The following DLGAP4 variants were observed in gnomAD, a reference collection of about 807,000 sequenced individuals.
The protein encoded by DLGAP4 is DLG associated protein 4, also known as disks large-associated protein 4.
Under a neutral mutation model 86.9 loss-of-function variants are expected in DLGAP4, and 18 were observed. That is an observed-to-expected ratio of 0.21 (90% CI 0.14 to 0.31). The LOEUF (loss-of-function observed/expected upper bound fraction) is 0.31. Among genes scored for constraint, DLGAP4 ranks in the 10% least tolerant of loss-of-function variants. The probability of loss-of-function intolerance (pLI) is 1.00; values close to 1 mark genes in which losing one functional copy is unlikely to be tolerated. For missense variants in DLGAP4, 1,085 were observed against 1,362.6 expected (o/e 0.80, Z 3.21); for synonymous variants, 548 against 574.3 (o/e 0.95, Z 0.65).
intron 7 of DLGAP4, among the ~76,000 whole-genome samples, chr20:36,463,208 G>C (rs997091133): frequency 2.6e-5 from 4 of 152,156 alleles, no homozygotes; most frequent in African/African-American, 9.7e-5. Flanking sequence ...CTGGGGCCTT[G>C]GTTCTGCCAG....
intron 10 of DLGAP4, among the ~76,000 whole-genome samples, chr20:36,516,734 G>C (rs2037061014): frequency 6.6e-6 from 1 of 151,548 alleles, no homozygotes; most frequent in South Asian, 2.1e-4. Context: ...ATGCCTAAAG[G>C]CTTGCTGTGT....
At chr20:36,427,409 C>T (rs1029949163) in intron 2 of DLGAP4, among the ~76,000 whole-genome samples, 3 of 149,616 alleles carry the variant, frequency 2.0e-5, no homozygotes, top group African/African-American at 7.4e-5. Context: ...ACCTGGGAGG[C>T]AGAGGTTGCA....
chr20:36,421,853 G>A (rs2032838113), intron 2 of DLGAP4, among the ~76,000 whole-genome samples: 1 of 152,120 alleles, frequency 6.6e-6, no homozygotes, highest in Non-Finnish European at 1.5e-5. Flanking sequence ...TGAGTCTGGC[G>A]TCTGAGAGAC....
intron 1 of DLGAP4, among the ~76,000 whole-genome samples, chr20:36,319,161 A>AT (rs1383897190): frequency 2.6e-5 from 4 of 151,984 alleles, no homozygotes; most frequent in African/African-American, 4.8e-5. Flanking sequence ...AAAAAAAAAA[A>AT]AGAAAAACTG....
At chr20:36,379,736 G>A (rs1044715262) in intron 2 of DLGAP4, among the ~76,000 whole-genome samples, 1 of 152,176 alleles carries the variant, frequency 6.6e-6, no homozygotes, top group African/African-American at 2.4e-5. Context: ...TTCCAGATCT[G>A]CTTCCTTGCT....
chr20:36,502,647 C>T (rs1278484215), intron 10 of DLGAP4, among the ~76,000 whole-genome samples: 2 of 152,100 alleles, frequency 1.3e-5, no homozygotes, highest in Middle Eastern at 3.2e-3. Context: ...CCACCACACC[C>T]GGACAACAAT....
Position 36,452,517 on chromosome 20 carries a change from CT to C in DLGAP4, c.1648+5597del, listed in dbSNP as rs35771997. Among the ~76,000 whole-genome samples the C allele has an allele frequency of 6.0e-3, 791 of 131,934 alleles. 3 individuals carry two copies. The highest frequency in any genetic ancestry group is 0.021 in the East Asian group (94 of 4,582). 86.6% of individuals were successfully genotyped at this position (131,934 alleles called of 152,430 possible). On this transcript the variant is annotated intron_variant, in intron 7 of 12. Coordinates refer to ENST00000339266, the MANE Select transcript of DLGAP4 (RefSeq NM_001365621.2). ...TTGAGTTCCTCCTTTTCTTGTAAAT[CT>C]TTTTTTTTTTTTTTTTAGACAGAGT...
chr20:36,330,253 G>A lies in DLGAP4; in HGVS notation c.-304+23741G>A, dbSNP rs555312377. On this transcript the variant is annotated intron_variant, in intron 1 of 12. Coordinates refer to ENST00000339266, the MANE Select transcript of DLGAP4 (RefSeq NM_001365621.2). ...GAGCCTGATGGGCCAGGCCAGAGGA[G>A]GGTTTTGTGGGGGAGGTTCTGACCA... Among the ~76,000 whole-genome samples the A allele has an allele frequency of 3.9e-5, 6 of 152,318 alleles. No homozygotes were observed. The East Asian group carries it at 9.7e-4, about 25-fold the overall frequency.
chr20:36,349,721 C>T (rs1200308968), intron 1 of DLGAP4, among the ~76,000 whole-genome samples: 1 of 152,142 alleles, frequency 6.6e-6, no homozygotes, highest in Non-Finnish European at 1.5e-5. Context: ...AGATAAGGTA[C>T]CCACATGTCA....
At chr20:36,513,010 G>A (rs201385220) in intron 10 of DLGAP4, among the ~76,000 whole-genome samples, 44 of 129,324 alleles carry the variant, frequency 3.4e-4, no homozygotes, top group African/African-American at 5.5e-4. Flanking sequence ...GGAGTGCAGC[G>A]GCGCAATTTT....
intron 2 of DLGAP4, among the ~76,000 whole-genome samples, chr20:36,421,452 T>A (rs541137298): frequency 1.4e-4 from 21 of 145,734 alleles, no homozygotes; most frequent in African/African-American, 4.3e-4. Context: ...AGTGAGACTG[T>A]CTCAAAAAAA....
Position 36,393,757 on chromosome 20 carries a change from C to A in DLGAP4, c.-73+26482C>A, listed in dbSNP as rs1232912278. On this transcript the variant is annotated intron_variant, in intron 2 of 12. Coordinates refer to ENST00000339266, the MANE Select transcript of DLGAP4 (RefSeq NM_001365621.2). The surrounding 1 kb of genome is among the most constrained non-coding windows in gnomAD (Gnocchi z 4.4). ...TTAGCCATATTGTCTTGGAATTAGA[C>A]ATAGATTGGGGTCTTCATTGTTCAG... Among the ~76,000 whole-genome samples, 3 of 152,172 alleles carry A rather than the reference C, an allele frequency of 2.0e-5. No homozygotes were observed. Among genetic ancestry groups the A allele is most frequent in the Non-Finnish European group, 4.4e-5 (3 of 68,022 alleles).
In DLGAP4 at chr20:36,452,054, C is replaced by T. The variant is rs557202150; in HGVS notation, c.1648+5117C>T. Among the ~76,000 whole-genome samples, 6 of 152,248 alleles carry T rather than the reference C, an allele frequency of 3.9e-5. No homozygotes were observed. The South Asian group carries it at 1.2e-3, about 32-fold the overall frequency. On this transcript the variant is annotated intron_variant, in intron 7 of 12. Transcript: ENST00000339266. Reference sequence around the variant, plus strand: ...GAATTACAGGCATGAGCCACCATGCCTAACGAGGCTGTATCTTAATTTGAG... The same window carrying T: ...GAATTACAGGCATGAGCCACCATGCTTAACGAGGCTGTATCTTAATTTGAG...
At chr20:36,418,259 G>A (rs1233177275) in intron 2 of DLGAP4, among the ~76,000 whole-genome samples, 2 of 150,430 alleles carry the variant, frequency 1.3e-5, no homozygotes, top group African/African-American at 2.5e-5. Flanking sequence ...GATTACAGGC[G>A]CTCACTGCCA....
intron 1 of DLGAP4, among the ~76,000 whole-genome samples, chr20:36,349,829 C>A (rs1468736615): frequency 6.6e-6 from 1 of 152,120 alleles, no homozygotes; most frequent in East Asian, 1.9e-4. Context: ...GTCATCACAT[C>A]AATAAATAAT....
intron 5 of DLGAP4, among the ~76,000 whole-genome samples, chr20:36,441,417 G>A (rs994468088): frequency 1.1e-4 from 17 of 152,168 alleles, no homozygotes; most frequent in African/African-American, 3.9e-4. Flanking sequence ...CCTCAGAGAG[G>A]CTGCCTGTGA....
At chr20:36,372,640 T>C (rs2425222) in intron 2 of DLGAP4, among the ~76,000 whole-genome samples, 126,603 of 152,104 alleles carry the variant, frequency 0.83, 53,473 homozygotes, top group East Asian at 1. Context: ...TCAAACTCTC[T>C]GAATCATGGA....
chr20:36,344,739 G>T (rs368455460), intron 1 of DLGAP4, among the ~76,000 whole-genome samples: 1 of 152,216 alleles, frequency 6.6e-6, no homozygotes, highest in South Asian at 2.1e-4. Context: ...CCTGGGCCTC[G>T]GCTGGGCCTA....
intron 1 of DLGAP4, among the ~76,000 whole-genome samples, chr20:36,345,001 A>G (rs1368192332): frequency 2.6e-5 from 4 of 152,206 alleles, no homozygotes; most frequent in African/African-American, 7.2e-5. Flanking sequence ...ATGCACTCCC[A>G]AAGACCCCAC....
Sources: gnomAD v4.1 joint callset for allele counts (sites outside exome capture counted in the v4.1 genomes callset) on GRCh38, gnomAD v4.1.1 for gene constraint, Gnocchi (gnomAD v3.1) non-coding constraint, MANE v1.5 for transcripts, NCBI Gene and HGNC (gene_info 2026-07-23, HGNC 2026-07-21) for gene names.